Variants in NYAP2 observed in about 807,000 individuals in gnomAD.
NYAP2 encodes neuronal tyrosine-phosphorylated phosphoinositide-3-kinase adaptor 2.
NYAP2 carries 23 observed loss-of-function variants against 50.4 expected under a neutral mutation model. That is an observed-to-expected ratio of 0.46 (90% CI 0.33 to 0.65). The LOEUF (loss-of-function observed/expected upper bound fraction) is 0.65. Ranked by LOEUF, NYAP2 falls within the 30% of genes least tolerant of loss-of-function variation. The pLI is 0.02. For missense variants in NYAP2, 885 were observed against 861.0 expected (o/e 1.03, Z -0.35); for synonymous variants, 394 against 365.2 (o/e 1.08, Z -0.90).
chr2:225,448,652 G>C (rs1689600163), intron 3 of NYAP2, among the ~76,000 whole-genome samples: 1 of 151,992 alleles, frequency 6.6e-6, no homozygotes, highest in South Asian at 2.1e-4. Flanking sequence ...TTCCCAGTAG[G>C]GCTGGCCCTC....
At chr2:225,608,555 A>G (rs1692828478) in intron 5 of NYAP2, among the ~76,000 whole-genome samples, 1 of 152,126 alleles carries the variant, frequency 6.6e-6, no homozygotes. Context: ...TCTAATACAA[A>G]GCCTGCCTTT....
At chr2:225,677,591 C>T in the NYAP2 span, among the ~76,000 whole-genome samples, 1 of 152,054 alleles carries the variant, frequency 6.6e-6, no homozygotes. Context: ...TCCTGCAATG[C>T]TTAATCTGTT....
chr2:225,425,323 T>C (rs1452060080), intron 3 of NYAP2, among the ~76,000 whole-genome samples: 1 of 152,232 alleles, frequency 6.6e-6, no homozygotes, highest in African/African-American at 2.4e-5. Flanking sequence ...TGTGACTGTG[T>C]GTGTGTTTGA....
Position 225,511,373 on chromosome 2 carries a change from C to CACACAG in NYAP2, c.222-1997_222-1996insCACAGA, listed in dbSNP as rs376750469. Among the ~76,000 whole-genome samples the CACACAG allele has an allele frequency of 5.9e-4, 69 of 117,826 alleles. 1 individual carries two copies. Among genetic ancestry groups the CACACAG allele is most frequent in the African/African-American group, 2.1e-3 (63 of 30,056 alleles). 77.3% of individuals were successfully genotyped at this position (117,826 alleles called of 152,430 possible). On this transcript the variant is annotated intron_variant, in intron 3 of 6. Coordinates refer to ENST00000636099, the Ensembl canonical transcript of NYAP2. ...ACACACACACACACACACACACACA[C>CACACAG]AGAGAGAGAGAGAGAGAGAGGATAA... is the stretch of plus-strand genomic sequence containing the variant.
chr2:225,463,222 A>G (rs974249431), intron 3 of NYAP2, among the ~76,000 whole-genome samples: 1 of 152,344 alleles, frequency 6.6e-6, no homozygotes, highest in South Asian at 2.1e-4. Flanking sequence ...ACAGGGTGAA[A>G]ACCTTGAGCA....
chr2:225,404,347 A>G (rs1694905980), intron 2 of NYAP2, among the ~76,000 whole-genome samples: 1 of 151,978 alleles, frequency 6.6e-6, no homozygotes, highest in African/African-American at 2.4e-5. Flanking sequence ...AAATGTTTTA[A>G]TGTTTCTATG....
At chr2:225,522,705 G>T (rs777932404) in intron 4 of NYAP2, among the ~76,000 whole-genome samples, 7 of 151,996 alleles carry the variant, frequency 4.6e-5, no homozygotes, top group Non-Finnish European at 8.8e-5. Flanking sequence ...CTTTCTTGTT[G>T]CTTACAAACA....
chr2:225,546,393 C>CA (rs1691585539), intron 4 of NYAP2, among the ~76,000 whole-genome samples: 1 of 152,066 alleles, frequency 6.6e-6, no homozygotes, highest in Non-Finnish European at 1.5e-5. Context: ...GGCACTCAAA[C>CA]CATGAGAGAA....
At chr2:225,553,232 A>AT (rs1691711887) in intron 4 of NYAP2, among the ~76,000 whole-genome samples, 3 of 152,210 alleles carry the variant, frequency 2.0e-5, no homozygotes, top group Non-Finnish European at 1.5e-5. Context: ...CTGGAACCAA[A>AT]TGCTACCACT....
chr2:225,562,062 G>A (rs540837685), intron 4 of NYAP2, among the ~76,000 whole-genome samples: 2 of 152,260 alleles, frequency 1.3e-5, no homozygotes, highest in South Asian at 4.1e-4. Context: ...AGTGGGGCAG[G>A]AGGGAGTGGG....
At chr2:225,487,858 A>G (rs149370027) in intron 3 of NYAP2, among the ~76,000 whole-genome samples, 3 of 152,332 alleles carry the variant, frequency 2.0e-5, no homozygotes, top group Admixed American at 6.5e-5. Flanking sequence ...TCAATTTTAT[A>G]GGTGGCATTT....
At chr2:225,472,177 C>T (rs750321235) in intron 3 of NYAP2, among the ~76,000 whole-genome samples, 4 of 152,284 alleles carry the variant, frequency 2.6e-5, no homozygotes, top group Non-Finnish European at 2.9e-5. Context: ...CTGGCTCGCA[C>T]GACTCATCCT....
rs1377859549 is a variant in NYAP2 at position 225,409,091 on chromosome 2, G to A, written c.211G>A (p.Ala71Thr). 4 of 1,589,450 alleles carry A rather than the reference G, an allele frequency of 2.5e-6. 1 individual carries two copies. Among genetic ancestry groups the A allele is most frequent in the South Asian group, 2.2e-5 (2 of 89,266 alleles). Reference sequence around the variant, plus strand: ...TGAAAAACGCCGAAGACAAGAAGAAGCAATAAAGCGGTAAATATAAATAAA... The same window carrying A: ...TGAAAAACGCCGAAGACAAGAAGAAACAATAAAGCGGTAAATATAAATAAA... The change falls in exon 3 of 7, where the codon GCA becomes ACA. Residue 71 changes from alanine to threonine, a missense_variant. Physicochemically the swap from Ala to Thr is moderately conservative, Grantham distance 58. Transcript: ENST00000636099.
chr2:225,567,288 T>C (rs919941611), intron 4 of NYAP2, among the ~76,000 whole-genome samples: 1 of 151,944 alleles, frequency 6.6e-6, no homozygotes, highest in Admixed American at 6.6e-5. Context: ...CCTTATTATG[T>C]GGCACATAAA....
chr2:225,414,348 A>G (rs1695090722), intron 3 of NYAP2, among the ~76,000 whole-genome samples: 1 of 152,224 alleles, frequency 6.6e-6, no homozygotes, highest in African/African-American at 2.4e-5. Context: ...GAATGAAAAA[A>G]TATTTTAGTA....
chr2:225,454,414 A>C (rs914033411), intron 3 of NYAP2, among the ~76,000 whole-genome samples: 2 of 152,232 alleles, frequency 1.3e-5, no homozygotes, highest in African/African-American at 4.8e-5. Flanking sequence ...AGAATTTTTT[A>C]ATACAATTAT....
intron 3 of NYAP2, among the ~76,000 whole-genome samples, chr2:225,508,166 A>G (rs1690744319): frequency 6.6e-6 from 1 of 152,322 alleles, no homozygotes; most frequent in East Asian, 1.9e-4. Flanking sequence ...CAGGATTATG[A>G]AACTTGTTTT....
rs144135554 is a variant in NYAP2, at chr2:225,626,337, C to T, written c.1619-580C>T. 4.2e-3 allele frequency among the ~76,000 whole-genome samples: 633 copies of T among 152,198 alleles called. 9 individuals are homozygous for T. The highest frequency in any genetic ancestry group is 0.014 in the African/African-American group (593 of 41,510). ...CAGCACAGTGGCTAAGCTAGCACCT[C>T]GGGAACAACCAGTGTGCCAGGGATG... On this transcript the variant is annotated intron_variant, in intron 5 of 6. Transcript: ENST00000636099.
At chr2:225,546,489 ACT>A (rs1310081833) in intron 4 of NYAP2, among the ~76,000 whole-genome samples, 1 of 151,986 alleles carries the variant, frequency 6.6e-6, no homozygotes, top group African/African-American at 2.4e-5. Context: ...CATGGTGGGT[ACT>A]GTCAGGCTAC....
Sources: allele counts gnomAD v4.1 joint callset (sites outside exome capture counted in the v4.1 genomes callset), GRCh38; gene constraint gnomAD v4.1.1; transcripts MANE v1.5; gene names NCBI Gene and HGNC (gene_info 2026-07-23, HGNC 2026-07-21).